DNAJC3: variants seen among roughly 807,000 people sequenced by gnomAD.
The protein encoded by DNAJC3 is DnaJ heat shock protein family (Hsp40) member C3.
DNAJC3 carries 38 observed loss-of-function variants against 68.6 expected under a neutral mutation model. The ratio of observed to expected loss-of-function variants is 0.55; its 90% confidence interval spans 0.43 to 0.73. DNAJC3 has a LOEUF of 0.73. DNAJC3 is among the 30% of genes least tolerant of loss of function. The pLI is 0.00. For synonymous variants in DNAJC3, 203 were observed against 204.0 expected (o/e 1.00, Z 0.04); for missense variants, 526 against 591.9 (o/e 0.89, Z 1.16).
At chr13:95,723,106 T>C (rs1468911142) in intron 2 of DNAJC3, 136 bp from the exon 3 acceptor site, 19 of 847,454 alleles carry the variant, frequency 2.2e-5, no homozygotes, top group Non-Finnish European at 3.1e-5. Flanking sequence ...CATGACTCTT[T>C]TTTGATGATG....
At chr13:95,757,376 C>T (rs1050133550) in intron 4 of DNAJC3, among the ~76,000 whole-genome samples, 5 of 152,202 alleles carry the variant, frequency 3.3e-5, no homozygotes, top group Non-Finnish European at 7.3e-5. Context: ...TGTCCTTTCA[C>T]GTGCCTACAT....
At chr13:95,779,401 G>A (rs1883386811) in intron 9 of DNAJC3, among the ~76,000 whole-genome samples, 1 of 152,130 alleles carries the variant, frequency 6.6e-6, no homozygotes, top group Non-Finnish European at 1.5e-5. Flanking sequence ...TGGGATTACA[G>A]GCATGAGCCA....
chr13:95,770,862 A>G (rs1214535103), intron 9 of DNAJC3, among the ~76,000 whole-genome samples: 1 of 152,228 alleles, frequency 6.6e-6, no homozygotes. Context: ...TTAAGGATGA[A>G]TATGCATAAA....
intron 9 of DNAJC3, among the ~76,000 whole-genome samples, chr13:95,780,946 A>C (rs984563858): frequency 1.3e-5 from 2 of 152,138 alleles, no homozygotes; most frequent in Non-Finnish European, 2.9e-5. Flanking sequence ...GTAGGGTGAG[A>C]GAGGGAGTCG....
chr13:95,787,255 G>A, intron 11 of DNAJC3, 100 bp downstream of exon 11: 1 of 1,451,232 alleles, frequency 6.9e-7, no homozygotes, highest in South Asian at 1.4e-5. Flanking sequence ...TATAGGCAGT[G>A]ACGGGTCCTG....
intron 1 of DNAJC3, among the ~76,000 whole-genome samples, chr13:95,702,152 G>A (rs1880602121): frequency 6.6e-6 from 1 of 152,168 alleles, no homozygotes; most frequent in South Asian, 2.1e-4. Context: ...TATTTTAAGT[G>A]TGTATTTGCT....
intron 1 of DNAJC3, among the ~76,000 whole-genome samples, chr13:95,690,833 C>T (rs1380668085): frequency 7.1e-6 from 1 of 140,296 alleles, no homozygotes; most frequent in African/African-American, 2.7e-5. Context: ...GCTGGCCGGG[C>T]AGAGGGGCTC....
intron 4 of DNAJC3, among the ~76,000 whole-genome samples, chr13:95,734,830 T>A (rs111266328): frequency 2.0e-5 from 3 of 151,354 alleles, no homozygotes; most frequent in Non-Finnish European, 2.9e-5. Flanking sequence ...TTTTTTTTTT[T>A]AATTATACTT....
intron 4 of DNAJC3, among the ~76,000 whole-genome samples, chr13:95,749,466 G>A (rs1245976347): frequency 6.6e-6 from 1 of 152,150 alleles, no homozygotes; most frequent in Non-Finnish European, 1.5e-5. Context: ...GCAGTAAAAT[G>A]GAGTAAGACT....
intron 4 of DNAJC3, among the ~76,000 whole-genome samples, chr13:95,746,540 T>G (rs907335860): frequency 6.6e-6 from 1 of 152,218 alleles, no homozygotes; most frequent in African/African-American, 2.4e-5. Context: ...CTGAGTCTAG[T>G]TTGAAAAGAT....
chr13:95,785,485 A>C (rs1883573115), intron 9 of DNAJC3, among the ~76,000 whole-genome samples: 1 of 117,912 alleles, frequency 8.5e-6, no homozygotes, highest in African/African-American at 3.6e-5. Context: ...TTGAGACGGA[A>C]TCTCACTCTG....
chr13:95,754,717 AC>A (rs1006727786), intron 4 of DNAJC3, among the ~76,000 whole-genome samples: 1 of 152,068 alleles, frequency 6.6e-6, no homozygotes, highest in Non-Finnish European at 1.5e-5. Context: ...AAAAGGAGTT[AC>A]CAGGTCCACC....
chr13:95,741,159 G>C (rs1226350179), intron 4 of DNAJC3, among the ~76,000 whole-genome samples: 2 of 152,094 alleles, frequency 1.3e-5, no homozygotes, highest in Non-Finnish European at 2.9e-5. Context: ...GTTGATATTT[G>C]TGCATCTGTT....
intron 9 of DNAJC3, among the ~76,000 whole-genome samples, chr13:95,779,402 G>A (rs914846027): frequency 1.3e-5 from 2 of 152,062 alleles, no homozygotes; most frequent in Non-Finnish European, 2.9e-5. Context: ...GGGATTACAG[G>A]CATGAGCCAT....
intron 9 of DNAJC3, among the ~76,000 whole-genome samples, chr13:95,777,944 A>G (rs1303725514): frequency 6.6e-6 from 1 of 152,246 alleles, no homozygotes; most frequent in Non-Finnish European, 1.5e-5. Context: ...TTGAAATTTT[A>G]TAGACTATGA....
intron 4 of DNAJC3, chr13:95,745,708 C>G (rs927238733): frequency 1.3e-5 from 2 of 152,198 alleles, no homozygotes; most frequent in African/African-American, 4.8e-5. Context: ...CCCTATAGCC[C>G]TCATATGCTG....
chr13:95,680,040 C>T (rs764988056), intron 1 of DNAJC3, among the ~76,000 whole-genome samples: 3 of 152,084 alleles, frequency 2.0e-5, no homozygotes, highest in Non-Finnish European at 2.9e-5. Context: ...TTCTCAAAGG[C>T]GTTTGAAAGA....
chr13:95,746,040 T>G (rs1257386258), intron 4 of DNAJC3, among the ~76,000 whole-genome samples: 1 of 152,178 alleles, frequency 6.6e-6, no homozygotes, highest in African/African-American at 2.4e-5. Context: ...AGCAGTTTAG[T>G]AACTTGCTCA....
In DNAJC3 at chr13:95,677,180, G is replaced by A; in HGVS notation, c.-76G>A. ...GAGCGAGAGCCGACGGCGGGCGGGC[G>A]CAGCTGCTGCCGGAGCGCCGGCGCG... is the stretch of plus-strand genomic sequence containing the variant. On this transcript the variant is annotated 5_prime_UTR_variant, in exon 1 of 12. Coordinates refer to ENST00000602402, the MANE Select transcript of DNAJC3 (RefSeq NM_006260.5). 1 of 1,405,148 alleles carries A rather than the reference G, an allele frequency of 7.1e-7. No homozygotes were observed. Among genetic ancestry groups the A allele is most frequent in the Non-Finnish European group, 9.7e-7 (1 of 1,033,572 alleles). 87.0% of individuals were successfully genotyped at this position (1,405,148 alleles called of 1,614,324 possible). A position where few individuals can be genotyped will look rare whatever the true frequency, so the allele number is the denominator to read the frequency against.
Sources: gnomAD v4.1 joint callset for allele counts (sites outside exome capture counted in the v4.1 genomes callset) on GRCh38, gnomAD v4.1.1 for gene constraint, MANE v1.5 for transcripts, NCBI Gene and HGNC (gene_info 2026-07-23, HGNC 2026-07-21) for gene names.